ATXN1: variants seen among roughly 807,000 people sequenced by gnomAD.
ATXN1 encodes ataxin 1.
In ATXN1, 8 loss-of-function variants were observed where a neutral mutation model predicts 56.4. The ratio of observed to expected loss-of-function variants is 0.14; its 90% CI spans 0.08 to 0.26. The LOEUF (loss-of-function observed/expected upper bound fraction) is 0.26, where lower values mean the gene tolerates loss of function less well. ATXN1 is among the 10% of genes least tolerant of loss of function. ATXN1 has a pLI of 1.00. For missense variants in ATXN1, 987 were observed against 1,106.5 expected (o/e 0.89, Z 1.53); for synonymous variants, 514 against 494.6 (o/e 1.04, Z -0.52).
At chr6:16,516,282 A>G (rs367587112) in intron 5 of ATXN1, among the ~76,000 whole-genome samples, 11 of 152,154 alleles carry the variant, frequency 7.2e-5, no homozygotes, top group South Asian at 4.1e-4. Flanking sequence ...GCAAGTCACA[A>G]TGCATTCTTA....
At chr6:16,385,774 A>G (rs1419369727) in intron 6 of ATXN1, among the ~76,000 whole-genome samples, 1 of 152,194 alleles carries the variant, frequency 6.6e-6, no homozygotes, top group African/African-American at 2.4e-5. Flanking sequence ...TATTTTTCTG[A>G]TTACAGGTTT....
chr6:16,589,910 A>T (rs1172887993), intron 3 of ATXN1, among the ~76,000 whole-genome samples: 4 of 152,230 alleles, frequency 2.6e-5, no homozygotes, highest in African/African-American at 4.8e-5. Context: ...AGGACTAATG[A>T]TTGTTTCGGT....
At chr6:16,430,829 A>C (rs1418445816) in intron 6 of ATXN1, among the ~76,000 whole-genome samples, 1 of 152,192 alleles carries the variant, frequency 6.6e-6, no homozygotes, top group Non-Finnish European at 1.5e-5. Context: ...CTATGGGATT[A>C]GGGAGTACTG....
At chr6:16,731,838 T>G (rs1016210430) in intron 2 of ATXN1, among the ~76,000 whole-genome samples, 8 of 152,120 alleles carry the variant, frequency 5.3e-5, no homozygotes, top group Non-Finnish European at 1.2e-4. Context: ...GTGTTCAATA[T>G]AGCAAATGTC....
At chr6:16,434,167 T>G (rs774095358) in intron 6 of ATXN1, among the ~76,000 whole-genome samples, 1 of 152,224 alleles carries the variant, frequency 6.6e-6, no homozygotes, top group Non-Finnish European at 1.5e-5. Context: ...TAAGTCTTAA[T>G]TATCTAGTGG....
intron 6 of ATXN1, among the ~76,000 whole-genome samples, chr6:16,381,276 A>T (rs1372032084): frequency 6.6e-6 from 1 of 151,012 alleles, no homozygotes; most frequent in African/African-American, 2.4e-5. Flanking sequence ...ACAGAGCAAG[A>T]CTCCATCATG....
chr6:16,533,173 GA>G (rs1221795958), intron 4 of ATXN1, among the ~76,000 whole-genome samples: 2 of 152,158 alleles, frequency 1.3e-5, no homozygotes, highest in African/African-American at 2.4e-5. Context: ...TAATGCCACT[GA>G]ACTGTACACT....
intron 4 of ATXN1, among the ~76,000 whole-genome samples, chr6:16,544,171 C>T (rs1561748151): frequency 6.6e-6 from 1 of 152,192 alleles, no homozygotes; most frequent in African/African-American, 2.4e-5. Flanking sequence ...TTCCACGCTC[C>T]TCGTCTTTCT....
In ATXN1 at chr6:16,689,486, C is replaced by CT. The variant is rs773259286; in HGVS notation, c.-614-31586dup. On this transcript the variant is annotated intron_variant, in intron 2 of 7. Coordinates refer to ENST00000436367, the MANE Select transcript of ATXN1 (RefSeq NM_001128164.2). The stretch of plus-strand genomic sequence containing the variant: ...AGCCACCACACCCAGTCAATTTTTT[C>CT]TTTTTTTTCCTTCCTTTTTTTTTCT... 5.7e-5 allele frequency among the ~76,000 whole-genome samples: 8 copies of CT among 140,858 alleles called. No individual in the cohort carries two copies. In the South Asian group the frequency reaches 9.2e-4, roughly 16 times the overall value. The allele number at this position is 140,858 out of a possible 152,430, so 92.4% of individuals were successfully genotyped here.
chr6:16,671,928 CTAAA>C (rs890797700), intron 2 of ATXN1, among the ~76,000 whole-genome samples: 1 of 152,158 alleles, frequency 6.6e-6, no homozygotes, highest in African/African-American at 2.4e-5. Flanking sequence ...TCATTTTAAA[CTAAA>C]TGATTAAAAT....
At chr6:16,691,056 T>C (rs1759034272) in intron 2 of ATXN1, among the ~76,000 whole-genome samples, 1 of 152,244 alleles carries the variant, frequency 6.6e-6, no homozygotes, top group South Asian at 2.1e-4. Flanking sequence ...CTTGTGCCTT[T>C]CATTACATTT....
chr6:16,620,385 G>A (rs547288647), intron 3 of ATXN1, among the ~76,000 whole-genome samples: 14 of 151,102 alleles, frequency 9.3e-5, no homozygotes, highest in South Asian at 4.2e-4. Flanking sequence ...TTGTGCTATC[G>A]TTTAGTGATG....
chr6:16,450,980 C>T (rs1021087569), intron 6 of ATXN1, among the ~76,000 whole-genome samples: 6 of 152,176 alleles, frequency 3.9e-5, no homozygotes, highest in Non-Finnish European at 8.8e-5. Flanking sequence ...GTAGACCCCC[C>T]CAAGGGCCAA....
At chr6:16,583,378 G>A (rs1491003379) in intron 4 of ATXN1, among the ~76,000 whole-genome samples, 1 of 152,126 alleles carries the variant, frequency 6.6e-6, no homozygotes, top group Non-Finnish European at 1.5e-5. Flanking sequence ...TCAACGTTAC[G>A]ATGGAGCCAA....
chr6:16,578,929 C>T (rs1323361552), intron 4 of ATXN1, among the ~76,000 whole-genome samples: 1 of 152,178 alleles, frequency 6.6e-6, no homozygotes, highest in Non-Finnish European at 1.5e-5. Flanking sequence ...AACCATCCTC[C>T]CATCTTATTG....
intron 6 of ATXN1, among the ~76,000 whole-genome samples, chr6:16,397,908 G>T (rs1758488565): frequency 2.0e-5 from 3 of 152,086 alleles, no homozygotes; most frequent in Non-Finnish European, 4.4e-5. Context: ...TTAACTCCTC[G>T]CAACCATTGC....
At chr6:16,320,235 A>G (rs1463890114) in intron 7 of ATXN1, among the ~76,000 whole-genome samples, 1 of 152,180 alleles carries the variant, frequency 6.6e-6, no homozygotes, top group Non-Finnish European at 1.5e-5. Context: ...ACCAAAAAAT[A>G]GTAGAATGAA....
chr6:16,389,007 C>T (rs1758295576), intron 6 of ATXN1, among the ~76,000 whole-genome samples: 1 of 152,202 alleles, frequency 6.6e-6, no homozygotes, highest in South Asian at 2.1e-4. Flanking sequence ...CATCCATCAT[C>T]CTTGTCTTTT....
intron 6 of ATXN1, among the ~76,000 whole-genome samples, chr6:16,392,846 T>A (rs1406021956): frequency 6.6e-6 from 1 of 152,082 alleles, no homozygotes. Context: ...TCAAAGTGAG[T>A]CACCCAGGGA....
Sources: allele counts gnomAD v4.1 joint callset (sites outside exome capture counted in the v4.1 genomes callset), GRCh38; gene constraint gnomAD v4.1.1; transcripts MANE v1.5; gene names NCBI Gene and HGNC (gene_info 2026-07-23, HGNC 2026-07-21).